The following KCTD8 variants were observed in gnomAD, a reference collection of about 807,000 sequenced individuals.
KCTD8 encodes the protein BTB/POZ domain-containing protein KCTD8.
In KCTD8, 27 loss-of-function variants were observed where a neutral mutation model predicts 31.5. The ratio of observed to expected loss-of-function variants is 0.86; its 90% CI spans 0.63 to 1.18. The LOEUF (loss-of-function observed/expected upper bound fraction) is 1.18, where lower values mean the gene tolerates loss of function less well. Among genes scored for constraint, KCTD8 ranks in the 50% most tolerant of loss-of-function variants. KCTD8 has a pLI of 0.00. For missense variants in KCTD8, 658 were observed against 647.7 expected, an observed-to-expected ratio of 1.02 and a Z score of -0.17; for synonymous variants, 290 against 280.0, an observed-to-expected ratio of 1.04 and a Z score of -0.36.
chr4:44,426,417 A>C (rs1721349465), intron 1 of KCTD8, among the ~76,000 whole-genome samples: 1 of 151,832 alleles, frequency 6.6e-6, no homozygotes, highest in African/African-American at 2.4e-5. Flanking sequence ...ATTCAGAGTA[A>C]GAATGACATT....
chr4:44,405,817 CAAAAAAAAAAAAAAA>C (rs903559298), intron 1 of KCTD8, among the ~76,000 whole-genome samples: 12 of 32,246 alleles, frequency 3.7e-4, no homozygotes, highest in Middle Eastern at 0.023. Flanking sequence ...TCCTGTTTCT[CAAAAAAAAAAAAAAA>C]AAAAAAAAAA....
intron 1 of KCTD8, among the ~76,000 whole-genome samples, chr4:44,180,908 T>A (rs1346548291): frequency 1.3e-5 from 2 of 152,166 alleles, no homozygotes; most frequent in Non-Finnish European, 2.9e-5. Flanking sequence ...GAATAGAAAT[T>A]ACCACAGAAC....
intron 1 of KCTD8, among the ~76,000 whole-genome samples, chr4:44,314,408 G>T (rs1004367396): frequency 2.6e-5 from 4 of 152,142 alleles, no homozygotes; most frequent in African/African-American, 9.7e-5. Flanking sequence ...AAAGACAAAT[G>T]AGAAAGCATG....
At chr4:44,221,330 GGT>G (rs1025611524) in intron 1 of KCTD8, among the ~76,000 whole-genome samples, 1 of 146,976 alleles carries the variant, frequency 6.8e-6, no homozygotes. Context: ...GGGTCCATCA[GGT>G]GTGTGTGTGT....
intron 1 of KCTD8, among the ~76,000 whole-genome samples, chr4:44,176,154 C>G (rs1713208392): frequency 6.6e-6 from 1 of 152,176 alleles, no homozygotes; most frequent in Non-Finnish European, 1.5e-5. Context: ...ATTCAGAGAT[C>G]TAAATTACTC....
chr4:44,242,591 CAAACAAACAAACA>C (rs1371412435), intron 1 of KCTD8, among the ~76,000 whole-genome samples: 1 of 151,390 alleles, frequency 6.6e-6, no homozygotes, highest in Non-Finnish European at 1.5e-5. Flanking sequence ...AACAAACAAA[CAAACAAACAAACA>C]AAACAAAAAA....
At chr4:44,226,356 G>C (rs1317658568) in intron 1 of KCTD8, among the ~76,000 whole-genome samples, 1 of 152,110 alleles carries the variant, frequency 6.6e-6, no homozygotes, top group East Asian at 1.9e-4. Context: ...CTATGTCCCT[G>C]TAAAGGACAT....
rs906673869 is a variant in KCTD8, at chr4:44,317,519, G to A, written c.961+130044C>T. Reference sequence around the variant, plus strand: ...CTCCCAAAGTGCTGGGATTACAGGCGTGAGCCACCGCGCCCGGCCCGGGTG... The same window carrying A: ...CTCCCAAAGTGCTGGGATTACAGGCATGAGCCACCGCGCCCGGCCCGGGTG... On this transcript the variant is annotated intron_variant, in intron 1 of 1. Coordinates refer to ENST00000360029, the MANE Select transcript of KCTD8 (RefSeq NM_198353.3). Among the ~76,000 whole-genome samples the A allele has an allele frequency of 9.2e-5, 13 of 140,978 alleles. 1 individual carries two copies. The highest frequency in any genetic ancestry group is 4.2e-4 in the African/African-American group (13 of 31,082). 92.5% of individuals were successfully genotyped at this position (140,978 alleles called of 152,430 possible).
intron 1 of KCTD8, among the ~76,000 whole-genome samples, chr4:44,203,406 C>T (rs2109340188): frequency 6.7e-6 from 1 of 148,884 alleles, no homozygotes; most frequent in East Asian, 2.0e-4. Context: ...GGGAGAACTG[C>T]TTGAACCCAG....
chr4:44,193,689 G>A (rs1375187803), intron 1 of KCTD8, among the ~76,000 whole-genome samples: 1 of 151,830 alleles, frequency 6.6e-6, no homozygotes, highest in Non-Finnish European at 1.5e-5. Flanking sequence ...TGTAGACATT[G>A]CTTTCTAACT....
At chr4:44,408,703 C>T (rs1029102137) in intron 1 of KCTD8, among the ~76,000 whole-genome samples, 3 of 152,110 alleles carry the variant, frequency 2.0e-5, no homozygotes, top group Admixed American at 2.0e-4. Context: ...ACTGCAACCT[C>T]TGACTCCCAG....
At chr4:44,237,749 G>GA (rs1715334801) in intron 1 of KCTD8, among the ~76,000 whole-genome samples, 1 of 152,130 alleles carries the variant, frequency 6.6e-6, no homozygotes, top group Non-Finnish European at 1.5e-5. Context: ...CTAAGCATAT[G>GA]CACATTTTGT....
intron 1 of KCTD8, among the ~76,000 whole-genome samples, chr4:44,416,327 G>C (rs66796697): frequency 0.24 from 36,804 of 152,036 alleles, 5,109 homozygotes; most frequent in African/African-American, 0.38. Context: ...TCAGATAAGA[G>C]TTAGGACTTT....
At chr4:44,257,399 T>G (rs1361350752) in intron 1 of KCTD8, among the ~76,000 whole-genome samples, 1 of 151,990 alleles carries the variant, frequency 6.6e-6, no homozygotes. Flanking sequence ...GAGGTCTTAT[T>G]TAAAAGACTG....
intron 1 of KCTD8, among the ~76,000 whole-genome samples, chr4:44,313,492 G>C (rs1577610050): frequency 6.6e-6 from 1 of 152,170 alleles, no homozygotes; most frequent in East Asian, 1.9e-4. Context: ...AGAGCTTCTG[G>C]ATCACAATAA....
At position 44,223,529 on chromosome 4, in the gene KCTD8, T is replaced by A. The variant is rs181191085; in HGVS notation, c.962-48279A>T. ...TCCATATTCAATCAGTAAAAACTTA[T>A]CGAATTGGTTAAAGAAATATTTCAT... On this transcript the variant is annotated intron_variant, in intron 1 of 1. Transcript: ENST00000360029. 2.0e-5 allele frequency among the ~76,000 whole-genome samples: 3 copies of A among 152,318 alleles called. No homozygotes were observed. The East Asian group carries it at 5.8e-4, about 29-fold the overall frequency.
At chr4:44,368,772 A>C (rs1035897760) in intron 1 of KCTD8, among the ~76,000 whole-genome samples, 2 of 152,228 alleles carry the variant, frequency 1.3e-5, no homozygotes, top group African/African-American at 4.8e-5. Flanking sequence ...CAGAGAAAGC[A>C]ATCTCAATTC....
chr4:44,376,989 A>G (rs1310183175), intron 1 of KCTD8, among the ~76,000 whole-genome samples: 5 of 152,240 alleles, frequency 3.3e-5, no homozygotes, highest in African/African-American at 7.2e-5. Context: ...ACTTGTCTCC[A>G]ACATTTGCAG....
At chr4:44,412,838 G>A (rs2109465047) in intron 1 of KCTD8, among the ~76,000 whole-genome samples, 1 of 152,140 alleles carries the variant, frequency 6.6e-6, no homozygotes, top group African/African-American at 2.4e-5. Context: ...AATATGATTG[G>A]GCTATTCTTC....
Sources: gnomAD v4.1 joint callset for allele counts (sites outside exome capture counted in the v4.1 genomes callset) on GRCh38, gnomAD v4.1.1 for gene constraint, MANE v1.5 for transcripts, NCBI Gene and HGNC (gene_info 2026-07-23, HGNC 2026-07-21) for gene names.